Variants in FRMPD2 observed in about 807,000 individuals in gnomAD.
The protein encoded by FRMPD2 is FERM and PDZ domain containing 2, also known as FERM and PDZ domain-containing protein 2.
Under a neutral mutation model 140.1 loss-of-function variants are expected in FRMPD2, and 96 were observed. The ratio of observed to expected loss-of-function variants is 0.69; its 90% confidence interval spans 0.58 to 0.81. The LOEUF (loss-of-function observed/expected upper bound fraction) is 0.81, where lower values mean the gene tolerates loss of function less well. Ranked by LOEUF, FRMPD2 falls within the 40% of genes least tolerant of loss-of-function variation. The pLI, the probability that FRMPD2 is intolerant of heterozygous loss-of-function variation, is 0.00. For synonymous variants in FRMPD2, 449 were observed against 547.6 expected, an observed-to-expected ratio of 0.82 and a Z score of 2.52; for missense variants, 1,240 against 1,447.4, an observed-to-expected ratio of 0.86 and a Z score of 2.32.
chr10:48,184,807 C>T lies in FRMPD2; in HGVS notation c.2434G>A (p.Gly812Arg). 1 of 1,613,764 alleles carries T rather than the reference C, an allele frequency of 6.2e-7. No homozygotes were observed. Among genetic ancestry groups the T allele is most frequent in the Non-Finnish European group, 8.5e-7 (1 of 1,179,890 alleles). ...ATCGTTTTTGCTTTTTCTGCTGGTC[C>T]TCCAGGTATAATAGAAGATATAAAA... The part of the protein sequence containing the change: ...GIFISSIIPG[G>R]PAEKAKTIKP... The change falls in exon 19 of 29, where the codon GGA (glycine) becomes AGA (arginine). Residue 812 changes from glycine (G) to arginine (R), a missense_variant. By Grantham distance (125) the Gly-to-Arg change is moderately radical. This residue lies in a region of FRMPD2 where 1,161 missense variants were observed against 1,055.9 expected (regional missense o/e 1.10). Transcript: ENST00000374201.
intron 15 of FRMPD2, among the ~76,000 whole-genome samples, chr10:48,194,448 C>A (rs1430380796): frequency 3.3e-5 from 5 of 152,110 alleles, no homozygotes; most frequent in African/African-American, 1.2e-4. Flanking sequence ...GGGAGAGTGA[C>A]CTTAGACTTA....
chr10:48,258,698 C>T (rs1239219282), intron 1 of FRMPD2, among the ~76,000 whole-genome samples: 2 of 152,180 alleles, frequency 1.3e-5, no homozygotes, highest in Admixed American at 1.3e-4. Context: ...TAGTGTTTCT[C>T]CCATCTTCAA....
chr10:48,181,695 C>A (rs1838552179), intron 20 of FRMPD2, among the ~76,000 whole-genome samples: 1 of 151,810 alleles, frequency 6.6e-6, no homozygotes, highest in Non-Finnish European at 1.5e-5. Context: ...AGGTGCTTAA[C>A]ATAACTGAAC....
intron 5 of FRMPD2, among the ~76,000 whole-genome samples, chr10:48,241,758 C>T (rs1263146127): frequency 2.0e-5 from 3 of 152,150 alleles, no homozygotes; most frequent in African/African-American, 7.2e-5. Context: ...GGGGAGGGTA[C>T]CCAGGGACCA....
chr10:48,235,379 T>A (rs1284205000), intron 9 of FRMPD2, among the ~76,000 whole-genome samples: 1 of 152,210 alleles, frequency 6.6e-6, no homozygotes, highest in Non-Finnish European at 1.5e-5. Context: ...CAGGCAGGCA[T>A]CCCACGTGCA....
chr10:48,200,351 G>A (rs535285323), intron 15 of FRMPD2, among the ~76,000 whole-genome samples: 34 of 152,216 alleles, frequency 2.2e-4, no homozygotes, highest in Non-Finnish European at 4.4e-4. Flanking sequence ...GGGCTCAGCT[G>A]TATCAACTAG....
chr10:48,194,120 A>G (rs1838900661), intron 15 of FRMPD2, among the ~76,000 whole-genome samples: 1 of 152,228 alleles, frequency 6.6e-6, no homozygotes, highest in Non-Finnish European at 1.5e-5. Context: ...TCAACTACTA[A>G]TATTTGCTGA....
chr10:48,175,072 C>G (rs1269762988), intron 23 of FRMPD2, 117 bp from the exon 24 acceptor site: 1 of 544,530 alleles, frequency 1.8e-6, no homozygotes, highest in African/African-American at 2.0e-5. Flanking sequence ...GGAAAGGAAG[C>G]TGAGGTGCCA....
At chr10:48,225,609 C>A (rs1435027367) in intron 10 of FRMPD2, among the ~76,000 whole-genome samples, 1 of 152,258 alleles carries the variant, frequency 6.6e-6, no homozygotes, top group Non-Finnish European at 1.5e-5. Flanking sequence ...TCCTCTAGAA[C>A]ATGCATATCC....
At chr10:48,264,173 T>C (rs1456032502) in intron 1 of FRMPD2, among the ~76,000 whole-genome samples, 2 of 151,256 alleles carry the variant, frequency 1.3e-5, no homozygotes, top group Non-Finnish European at 3.0e-5. Flanking sequence ...AAAAAAAAAA[T>C]CTACGGCCAA....
intron 21 of FRMPD2, among the ~76,000 whole-genome samples, chr10:48,179,804 C>A (rs1309205423): frequency 6.6e-6 from 1 of 152,160 alleles, no homozygotes; most frequent in Non-Finnish European, 1.5e-5. Context: ...GTGCAATAAC[C>A]TGCCTGTTTC....
intron 1 of FRMPD2, among the ~76,000 whole-genome samples, chr10:48,266,916 C>T (rs73298351): frequency 3.9e-5 from 6 of 152,278 alleles, no homozygotes; most frequent in East Asian, 3.9e-4. Flanking sequence ...AAGGTGTCCC[C>T]GACCCTCCTA....
chr10:48,238,206 A>C, intron 7 of FRMPD2, 83 bp from the exon 8 acceptor site: 73 of 1,457,364 alleles, frequency 5.0e-5, no homozygotes, highest in Non-Finnish European at 6.0e-5. Flanking sequence ...ACAGGGGCTC[A>C]GTTGGGCAGG....
chr10:48,210,019 T>C (rs1487252474), intron 13 of FRMPD2, among the ~76,000 whole-genome samples: 2 of 152,194 alleles, frequency 1.3e-5, no homozygotes, highest in African/African-American at 4.8e-5. Context: ...CATATACATA[T>C]ATATATGAAT....
At chr10:48,199,174 C>T (rs759841340) in intron 15 of FRMPD2, among the ~76,000 whole-genome samples, 19 of 151,920 alleles carry the variant, frequency 1.3e-4, no homozygotes, top group Non-Finnish European at 2.5e-4. Flanking sequence ...ATACTCCAAA[C>T]CTCTCAGCAT....
intron 9 of FRMPD2, among the ~76,000 whole-genome samples, chr10:48,234,403 A>C (rs1424459171): frequency 2.0e-5 from 3 of 152,214 alleles, no homozygotes. Context: ...CAGTGAGCCT[A>C]GTTGCCAGTG....
chr10:48,212,780 G>C (rs1839359972), intron 12 of FRMPD2, among the ~76,000 whole-genome samples: 1 of 152,144 alleles, frequency 6.6e-6, no homozygotes, highest in Non-Finnish European at 1.5e-5. Context: ...ATCCCCCCAG[G>C]AGAGGGTGGC....
chr10:48,249,275 C>T, intron 2 of FRMPD2, 97 bp from the exon 3 acceptor site: 1 of 1,194,628 alleles, frequency 8.4e-7, no homozygotes, highest in Non-Finnish European at 1.2e-6. Flanking sequence ...GTACCCATCT[C>T]TGGGACTGAA....
chr10:48,246,366 G>C (rs1454124535), intron 3 of FRMPD2, among the ~76,000 whole-genome samples: 2 of 152,218 alleles, frequency 1.3e-5, no homozygotes, highest in Non-Finnish European at 2.9e-5. Context: ...AAGTGTCTTA[G>C]GGCAAGGCCT....
Sources: gnomAD v4.1 joint callset for allele counts (sites outside exome capture counted in the v4.1 genomes callset) on GRCh38, gnomAD v4.1.1 for gene constraint, gnomAD v4.1.1 regional missense constraint, MANE v1.5 for transcripts, NCBI Gene and HGNC (gene_info 2026-07-23, HGNC 2026-07-21) for gene names.